Variants in SENP6 observed in about 807,000 individuals in gnomAD.
The protein encoded by SENP6 is SUMO specific peptidase 6.
A neutral mutation model predicts 134.5 loss-of-function variants in SENP6; 41 were observed. The observed-to-expected ratio is 0.30, with a 90% CI of 0.24 to 0.40. The LOEUF is 0.40. SENP6 is among the 10% of genes least tolerant of loss of function. The probability of loss-of-function intolerance (pLI) is 1.00; values close to 1 mark genes in which losing one functional copy is unlikely to be tolerated. For missense variants in SENP6, 1,248 were observed against 1,312.5 expected, an observed-to-expected ratio of 0.95 and a Z score of 0.76; for synonymous variants, 395 against 429.8, an observed-to-expected ratio of 0.92 and a Z score of 1.00.
chr6:75,673,873 T>C (rs182122442), intron 11 of SENP6, among the ~76,000 whole-genome samples: 14 of 151,696 alleles, frequency 9.2e-5, no homozygotes, highest in African/African-American at 2.9e-4. Flanking sequence ...CTACAAAAAT[T>C]AGTGGGGTGT....
At chr6:75,605,957 T>C (rs1766997836) in intron 1 of SENP6, among the ~76,000 whole-genome samples, 1 of 152,126 alleles carries the variant, frequency 6.6e-6, no homozygotes, top group Non-Finnish European at 1.5e-5. Context: ...AGGTTGAGGA[T>C]ATGTTTGGAT....
chr6:75,659,180 C>T (rs965825427), intron 7 of SENP6, 82 bp from the exon 8 acceptor site: 2 of 1,022,862 alleles, frequency 2.0e-6, no homozygotes, highest in African/African-American at 3.3e-5. Flanking sequence ...TTGGTTTAGT[C>T]TTATGTTCTG....
chr6:75,704,332 A>C (rs1255491990), intron 19 of SENP6, among the ~76,000 whole-genome samples: 2 of 152,216 alleles, frequency 1.3e-5, no homozygotes, highest in African/African-American at 4.8e-5. Context: ...GAAGATCAGC[A>C]AGAAAACATG....
At chr6:75,663,064 T>C (rs956653) in intron 8 of SENP6, among the ~76,000 whole-genome samples, 157 bp from the exon 9 acceptor site, 4 of 152,080 alleles carry the variant, frequency 2.6e-5, no homozygotes, top group African/African-American at 9.7e-5. Context: ...TTTGAGACTT[T>C]GAGGGGATTC....
intron 7 of SENP6, among the ~76,000 whole-genome samples, chr6:75,650,242 T>C (rs1770767117): frequency 6.6e-6 from 1 of 152,182 alleles, no homozygotes; most frequent in Non-Finnish European, 1.5e-5. Flanking sequence ...TTACATGATG[T>C]TGAATATGTC....
intron 7 of SENP6, among the ~76,000 whole-genome samples, chr6:75,650,274 A>G (rs372560560): frequency 6.6e-6 from 1 of 152,180 alleles, no homozygotes; most frequent in East Asian, 1.9e-4. Context: ...AGTGTTAACC[A>G]TGATCATTTG....
intron 2 of SENP6, 117 bp downstream of exon 2, chr6:75,621,742 CTCTT>C (rs1049261563): frequency 9.8e-5 from 40 of 408,552 alleles, no homozygotes; most frequent in Admixed American, 8.8e-4. Context: ...AAACATATAA[CTCTT>C]TCACAGTCGC....
At chr6:75,605,532 T>A (rs1376652214) in intron 1 of SENP6, among the ~76,000 whole-genome samples, 1 of 152,120 alleles carries the variant, frequency 6.6e-6, no homozygotes, top group Non-Finnish European at 1.5e-5. Flanking sequence ...AGCATTGAAG[T>A]CAAGAAAGGC....
At chr6:75,627,208 C>CA (rs777907837) in intron 3 of SENP6, among the ~76,000 whole-genome samples, 4 of 152,156 alleles carry the variant, frequency 2.6e-5, no homozygotes, top group Non-Finnish European at 5.9e-5. Context: ...ATGATCTACC[C>CA]ACCTTGGCCT....
chr6:75,702,138 G>T (rs980944188), intron 18 of SENP6, among the ~76,000 whole-genome samples: 4 of 150,896 alleles, frequency 2.7e-5, no homozygotes, highest in Non-Finnish European at 5.9e-5. Context: ...TGTTATTTTT[G>T]AATAGACATT....
At chr6:75,647,855 A>G (rs754968970) in intron 7 of SENP6, 54 bp downstream of exon 7, 15 of 1,311,588 alleles carry the variant, frequency 1.1e-5, no homozygotes, top group Middle Eastern at 3.7e-4. Context: ...CTGTATGAAA[A>G]GTACAATGGA....
At chr6:75,666,091 A>G (rs1327992397) in intron 9 of SENP6, among the ~76,000 whole-genome samples, 1 of 146,544 alleles carries the variant, frequency 6.8e-6, no homozygotes, top group Non-Finnish European at 1.5e-5. Flanking sequence ...TAAAACGTAT[A>G]TATGATATAT....
chr6:75,714,054 C>G (rs1775901935), intron 23 of SENP6, among the ~76,000 whole-genome samples: 1 of 152,164 alleles, frequency 6.6e-6, no homozygotes, highest in African/African-American at 2.4e-5. Context: ...TATCACTGAA[C>G]AATCAACCTG....
intron 10 of SENP6, among the ~76,000 whole-genome samples, chr6:75,668,183 C>T (rs1396804274): frequency 3.3e-5 from 5 of 152,052 alleles, no homozygotes; most frequent in Non-Finnish European, 2.9e-5. Flanking sequence ...GCTCTGTCAC[C>T]CAGGCTGGCA....
intron 1 of SENP6, among the ~76,000 whole-genome samples, chr6:75,605,279 ACAGT>A (rs1228777131): frequency 1.3e-5 from 2 of 152,208 alleles, no homozygotes; most frequent in African/African-American, 2.4e-5. Flanking sequence ...TCCTACTCTA[ACAGT>A]CAGTGTACCA....
intron 6 of SENP6, among the ~76,000 whole-genome samples, chr6:75,642,153 T>G (rs1168721783): frequency 2.0e-5 from 3 of 152,256 alleles, no homozygotes; most frequent in Non-Finnish European, 4.4e-5. Context: ...ACGCTTTTAT[T>G]CATTCCAAGT....
intron 11 of SENP6, among the ~76,000 whole-genome samples, chr6:75,673,662 A>T (rs528180315): frequency 6.6e-6 from 1 of 152,202 alleles, no homozygotes; most frequent in South Asian, 2.1e-4. Flanking sequence ...ACTTACTTAG[A>T]TATTTCTAAA....
intron 11 of SENP6, among the ~76,000 whole-genome samples, chr6:75,673,249 T>C (rs1470395823): frequency 6.6e-6 from 1 of 151,184 alleles, no homozygotes; most frequent in Non-Finnish European, 1.5e-5. Context: ...TGAGAAGATA[T>C]AAAACCAAGG....
At chr6:75,630,261 G>A (rs1200647418) in intron 3 of SENP6, among the ~76,000 whole-genome samples, 1 of 151,886 alleles carries the variant, frequency 6.6e-6, no homozygotes, top group African/African-American at 2.4e-5. Context: ...GTAGAGACGG[G>A]GTTTCACCAT....
Sources: gnomAD v4.1 joint callset for allele counts (sites outside exome capture counted in the v4.1 genomes callset) on GRCh38, gnomAD v4.1.1 for gene constraint, MANE v1.5 for transcripts, NCBI Gene and HGNC (gene_info 2026-07-23, HGNC 2026-07-21) for gene names.